The following PTPRM variants were observed in gnomAD, a reference collection of about 807,000 sequenced individuals.
PTPRM encodes the protein receptor-type tyrosine-protein phosphatase mu.
PTPRM carries 47 observed loss-of-function variants against 186.7 expected under a neutral mutation model. The observed-to-expected ratio is 0.25, with a 90% CI of 0.20 to 0.32. PTPRM has a LOEUF of 0.32. PTPRM is among the 10% of genes least tolerant of loss of function. The pLI, the probability that PTPRM is intolerant of heterozygous loss-of-function variation, is 1.00. For missense variants in PTPRM, 1,494 were observed against 1,865.0 expected (o/e 0.80, Z 3.66); for synonymous variants, 668 against 674.9 (o/e 0.99, Z 0.16).
At chr18:8,144,197 G>C (rs2092827744) in intron 14 of PTPRM, among the ~76,000 whole-genome samples, 1 of 152,206 alleles carries the variant, frequency 6.6e-6, no homozygotes, top group Admixed American at 6.5e-5. Flanking sequence ...TGGGGCCTGT[G>C]TTATATGTAG....
intron 14 of PTPRM, among the ~76,000 whole-genome samples, chr18:8,180,676 T>G (rs2093560150): frequency 1.3e-5 from 2 of 152,182 alleles, no homozygotes; most frequent in Non-Finnish European, 2.9e-5. Flanking sequence ...ACCTGAGCTT[T>G]CTTCCCTTAC....
chr18:8,140,013 AT>A (rs954057116), intron 13 of PTPRM, among the ~76,000 whole-genome samples: 1 of 152,102 alleles, frequency 6.6e-6, no homozygotes, highest in Admixed American at 6.5e-5. Context: ...ATATTGCTGG[AT>A]TTTTTTCCTC....
At chr18:8,222,885 C>T (rs572574374) in intron 14 of PTPRM, among the ~76,000 whole-genome samples, 13 of 151,442 alleles carry the variant, frequency 8.6e-5, no homozygotes, top group African/African-American at 2.4e-4. Flanking sequence ...CCCAGGAGTT[C>T]GAGACCAGCT....
intron 1 of PTPRM, among the ~76,000 whole-genome samples, chr18:7,594,000 A>G (rs1442913330): frequency 6.6e-6 from 1 of 152,124 alleles, no homozygotes; most frequent in African/African-American, 2.4e-5. Context: ...TTTTCTCTAA[A>G]TGGATTAGAG....
At chr18:8,125,908 C>A (rs2092322101) in intron 13 of PTPRM, among the ~76,000 whole-genome samples, 1 of 142,592 alleles carries the variant, frequency 7.0e-6, no homozygotes, top group Non-Finnish European at 1.5e-5. Flanking sequence ...ATTAAGATAT[C>A]TTTGTTTATG....
chr18:7,648,775 T>G (rs111246788), intron 1 of PTPRM, among the ~76,000 whole-genome samples: 84 of 152,260 alleles, frequency 5.5e-4, no homozygotes, highest in African/African-American at 1.9e-3. Flanking sequence ...TTCCAGAACA[T>G]AAAAGTGCAA....
chr18:8,376,121 G>A lies in PTPRM; in HGVS notation c.3247G>A (p.Ala1083Thr). 1 of 1,614,076 alleles carries A rather than the reference G, an allele frequency of 6.2e-7. No individual in the cohort carries two copies. Residue 1083 changes from alanine to threonine, a missense_variant, in exon 25 of 33, where the codon GCC (alanine) becomes ACC (threonine). Ala to Thr is a moderately conservative substitution (Grantham distance 58). This residue lies in a region of PTPRM where 1,107 missense variants were observed against 1,350.2 expected (regional missense o/e 0.82). Transcript: ENST00000580170. ...GCCGGATCATGGGGTCCCCTACCAT[G>A]CCACCGGCCTGCTGGGATTCGTGCG... is the stretch of plus-strand genomic sequence containing the variant. ...GWPDHGVPYH[A>T]TGLLGFVRQV...
chr18:8,118,654 G>A lies in PTPRM; in HGVS notation c.2167+3827G>A, dbSNP rs566928856. Among the ~76,000 whole-genome samples the A allele has an allele frequency of 2.0e-5, 3 of 152,076 alleles. No individual in the cohort carries two copies. In the East Asian group the frequency reaches 5.8e-4, roughly 29 times the overall value. ...GTCTCTACTAAAAATACAAAAATTAGCCGGGCGCAGTGGTGGGTGCCTTTA... is the reference window on the plus strand; with the variant it reads ...GTCTCTACTAAAAATACAAAAATTAACCGGGCGCAGTGGTGGGTGCCTTTA... On this transcript the variant is annotated intron_variant, in intron 13 of 32. Transcript: ENST00000580170.
chr18:8,395,373 G>A (rs2095840617), intron 32 of PTPRM, among the ~76,000 whole-genome samples: 1 of 152,136 alleles, frequency 6.6e-6, no homozygotes, highest in Non-Finnish European at 1.5e-5. Flanking sequence ...CAACACTGGG[G>A]TTGATGTTAA....
intron 31 of PTPRM, among the ~76,000 whole-genome samples, chr18:8,394,258 G>C (rs1415819214): frequency 6.6e-6 from 1 of 152,174 alleles, no homozygotes; most frequent in Non-Finnish European, 1.5e-5. Context: ...AGGTGAGCTG[G>C]GAAAGGCTCT....
chr18:8,291,608 T>TA (rs940165701), intron 19 of PTPRM, among the ~76,000 whole-genome samples: 1 of 152,114 alleles, frequency 6.6e-6, no homozygotes, highest in African/African-American at 2.4e-5. Context: ...CTCTTAAAGA[T>TA]AAAAAAGATA....
At chr18:7,994,755 A>T (rs926725995) in intron 7 of PTPRM, among the ~76,000 whole-genome samples, 1 of 152,286 alleles carries the variant, frequency 6.6e-6, no homozygotes, top group East Asian at 1.9e-4. Context: ...TGAAGAAGGA[A>T]ATAAAAAAAT....
At chr18:8,165,666 G>T (rs1473095195) in intron 14 of PTPRM, among the ~76,000 whole-genome samples, 2 of 152,224 alleles carry the variant, frequency 1.3e-5, no homozygotes, top group East Asian at 3.8e-4. Flanking sequence ...GCACCAGAGA[G>T]TGAAATATGG....
At chr18:8,025,954 A>G (rs1760892794) in intron 7 of PTPRM, among the ~76,000 whole-genome samples, 1 of 152,200 alleles carries the variant, frequency 6.6e-6, no homozygotes, top group Admixed American at 6.5e-5. Context: ...AGAAGGAGAA[A>G]GGTGCTTTTT....
At chr18:7,816,110 T>C (rs965803488) in intron 2 of PTPRM, among the ~76,000 whole-genome samples, 3 of 152,210 alleles carry the variant, frequency 2.0e-5, no homozygotes, top group African/African-American at 7.2e-5. Context: ...AGCCAAAGAA[T>C]TCTGTGATAA....
At chr18:7,716,208 A>G (rs889554543) in intron 1 of PTPRM, among the ~76,000 whole-genome samples, 1 of 152,202 alleles carries the variant, frequency 6.6e-6, no homozygotes, top group Non-Finnish European at 1.5e-5. Context: ...ATCACTCCAC[A>G]CGTCTGCAAC....
chr18:8,071,204 C>T (rs1054557818), intron 8 of PTPRM, among the ~76,000 whole-genome samples: 1 of 152,200 alleles, frequency 6.6e-6, no homozygotes, highest in African/African-American at 2.4e-5. Context: ...TCTTCCAACT[C>T]TCTCTCATCT....
At chr18:7,867,168 C>T (rs1416835400) in intron 2 of PTPRM, among the ~76,000 whole-genome samples, 1 of 152,128 alleles carries the variant, frequency 6.6e-6, no homozygotes, top group Non-Finnish European at 1.5e-5. Flanking sequence ...CAGTCTGTGC[C>T]TTTTAATTGG....
Position 7,668,282 on chromosome 18 carries a change from G to A in PTPRM, c.73+100391G>A, listed in dbSNP as rs2039142828. On this transcript the variant is annotated intron_variant, in intron 1 of 32. Transcript: ENST00000580170. This position sits in a 1 kb window ranked among gnomAD's most constrained non-coding sequence, Gnocchi z 4.7. ...AATAGTCACAGTGCCACCATTTTGGGTCCTGGTAATGGTGGTTTTCCCCAC... is the reference window on the plus strand; with the variant it reads ...AATAGTCACAGTGCCACCATTTTGGATCCTGGTAATGGTGGTTTTCCCCAC... Among the ~76,000 whole-genome samples, 1 of 152,098 alleles carries A rather than the reference G, an allele frequency of 6.6e-6. No individual in the cohort carries two copies. Among genetic ancestry groups the A allele is most frequent in the Non-Finnish European group, 1.5e-5 (1 of 68,022 alleles).
Sources: gnomAD v4.1 joint callset for allele counts (sites outside exome capture counted in the v4.1 genomes callset) on GRCh38, gnomAD v4.1.1 for gene constraint, gnomAD v4.1.1 regional missense constraint, Gnocchi (gnomAD v3.1) non-coding constraint, MANE v1.5 for transcripts, NCBI Gene and HGNC (gene_info 2026-07-23, HGNC 2026-07-21) for gene names.